Variants in PRDM6 observed in about 807,000 individuals in gnomAD.
PRDM6 encodes the protein PR/SET domain 6.
PRDM6 carries 25 observed loss-of-function variants against 60.8 expected under a neutral mutation model. The ratio of observed to expected loss-of-function variants is 0.41; its 90% CI spans 0.30 to 0.57. The LOEUF is 0.57. PRDM6 is among the 20% of genes least tolerant of loss of function. The probability of loss-of-function intolerance (pLI) is 0.27; values close to 1 mark genes in which losing one functional copy is unlikely to be tolerated. For synonymous variants in PRDM6, 407 were observed against 357.4 expected (o/e 1.14, Z -1.57); for missense variants, 839 against 821.3 (o/e 1.02, Z -0.26).
intron 5 of PRDM6, among the ~76,000 whole-genome samples, chr5:123,169,685 A>G (rs1004703301): frequency 2.6e-5 from 4 of 152,186 alleles, no homozygotes; most frequent in African/African-American, 9.7e-5. Context: ...CAAATCACGG[A>G]TTTAGATGTT....
In PRDM6 at chr5:123,151,239, G is replaced by A. The variant is rs553553334; in HGVS notation, c.901-4645G>A. On this transcript the variant is annotated intron_variant, in intron 3 of 7. Coordinates refer to ENST00000407847, the MANE Select transcript of PRDM6 (RefSeq NM_001136239.4). ...GGGATATGCCAGGGTTGGGAGCATGGGAGAGGGCGTCTGAAATGTCTCCTC... is the reference window on the plus strand; with the variant it reads ...GGGATATGCCAGGGTTGGGAGCATGAGAGAGGGCGTCTGAAATGTCTCCTC... 4.7e-3 allele frequency among the ~76,000 whole-genome samples: 716 copies of A among 152,252 alleles called. 2 individuals are homozygous for A. Among genetic ancestry groups the A allele is most frequent in the Non-Finnish European group, 6.1e-3 (414 of 68,012 alleles).
intron 3 of PRDM6, among the ~76,000 whole-genome samples, chr5:123,113,184 A>G (rs1764356467): frequency 6.6e-6 from 1 of 152,138 alleles, no homozygotes; most frequent in South Asian, 2.1e-4. Context: ...ATGCATTACT[A>G]TGAAGTAAAG....
intron 2 of PRDM6, among the ~76,000 whole-genome samples, chr5:123,097,939 G>A (rs1763994574): frequency 6.6e-6 from 1 of 152,210 alleles, no homozygotes; most frequent in Non-Finnish European, 1.5e-5. Context: ...GAGGAGTAGA[G>A]GAGTAGCTGC....
At chr5:123,179,788 C>A (rs900769809) in intron 6 of PRDM6, among the ~76,000 whole-genome samples, 1 of 152,132 alleles carries the variant, frequency 6.6e-6, no homozygotes, top group Admixed American at 6.5e-5. Flanking sequence ...GCACAAGAGA[C>A]AATTATATAT....
chr5:123,136,260 A>G (rs968495780), intron 3 of PRDM6, among the ~76,000 whole-genome samples: 30 of 152,202 alleles, frequency 2.0e-4, no homozygotes, highest in African/African-American at 6.5e-4. Context: ...TCATATGACT[A>G]CAATTTGAAT....
chr5:123,139,476 T>G (rs1405391154), intron 3 of PRDM6, among the ~76,000 whole-genome samples: 1 of 152,168 alleles, frequency 6.6e-6, no homozygotes, highest in Non-Finnish European at 1.5e-5. Flanking sequence ...TGGATGATAT[T>G]CAGTGAAAAT....
intron 3 of PRDM6, among the ~76,000 whole-genome samples, chr5:123,127,688 T>TTTTCTTTCTCTTTC (rs747675936): frequency 1.3e-5 from 2 of 151,366 alleles, no homozygotes; most frequent in South Asian, 2.1e-4. Flanking sequence ...TCTTTCTTTC[T>TTTTCTTTCTCTTTC]TTTCTTTCTC....
At chr5:123,147,279 AAGAGAG>A (rs3036135) in intron 3 of PRDM6, among the ~76,000 whole-genome samples, 119 of 147,476 alleles carry the variant, frequency 8.1e-4, no homozygotes, top group Non-Finnish European at 1.2e-3. Context: ...TGATACTAAA[AAGAGAG>A]AGAGAGAGAG....
chr5:123,180,446 C>T lies in PRDM6; in HGVS notation c.1673+123C>T, dbSNP rs572446635. ...ACAGGCTACTTGGAAGGCCAGTGTC[C>T]AGGCTGCAAACGAATCTCTCCTTGT... On this transcript the variant is annotated intron_variant, in intron 7 of 7. Transcript: ENST00000407847. The T allele has an allele frequency of 7.0e-5, 72 of 1,022,396 alleles. No homozygotes were observed. The East Asian group carries it at 1.9e-3, about 27-fold the overall frequency. The allele number at this position is 1,022,396 out of a possible 1,614,324, so 63.3% of individuals were successfully genotyped here. A position where few individuals can be genotyped will look rare whatever the true frequency, so the allele number is the denominator to read the frequency against.
chr5:123,161,296 T>C (rs906007450), intron 5 of PRDM6, among the ~76,000 whole-genome samples: 4 of 152,190 alleles, frequency 2.6e-5, no homozygotes, highest in African/African-American at 9.6e-5. Context: ...CTGGGTGATA[T>C]AAATACAGCA....
At position 123,114,574 on chromosome 5, in the gene PRDM6, AAATT is replaced by A. The variant is rs748286580; in HGVS notation, c.900+14618_900+14621del. Among the ~76,000 whole-genome samples the A allele has an allele frequency of 3.3e-5, 5 of 152,336 alleles. No individual in the cohort carries two copies. In the South Asian group the frequency reaches 1.0e-3, roughly 32 times the overall value. Reference sequence around the variant, plus strand: ...TTATTTGGGAAATAGTTCTGCTAAAAAATTAATTTTTTTAAATGTAGAATTCAAC... The same window carrying A: ...TTATTTGGGAAATAGTTCTGCTAAAAAATTTTTTTAAATGTAGAATTCAAC... On this transcript the variant is annotated intron_variant, in intron 3 of 7. Transcript: ENST00000407847.
chr5:123,142,737 T>C lies in PRDM6; in HGVS notation c.901-13147T>C, dbSNP rs1193849219. Among the ~76,000 whole-genome samples the C allele has an allele frequency of 4.0e-5, 6 of 151,876 alleles. No individual in the cohort carries two copies. In the South Asian group the frequency reaches 8.3e-4, roughly 21 times the overall value. ...ATGATTTCTAACCTAAAAATATCTGTCTTATGAAATAAACCAACCAAAGGA... is the reference window on the plus strand; with the variant it reads ...ATGATTTCTAACCTAAAAATATCTGCCTTATGAAATAAACCAACCAAAGGA... On this transcript the variant is annotated intron_variant, in intron 3 of 7. Coordinates refer to ENST00000407847, the MANE Select transcript of PRDM6 (RefSeq NM_001136239.4).
At chr5:123,116,816 A>G (rs1370368538) in intron 3 of PRDM6, among the ~76,000 whole-genome samples, 1 of 152,240 alleles carries the variant, frequency 6.6e-6, no homozygotes, top group Non-Finnish European at 1.5e-5. Context: ...GGGGAGAAAT[A>G]GTAAGGAAAT....
At chr5:123,181,790 G>A (rs910505468) in intron 7 of PRDM6, among the ~76,000 whole-genome samples, 1 of 152,166 alleles carries the variant, frequency 6.6e-6, no homozygotes, top group African/African-American at 2.4e-5. Context: ...GGCGCACTTT[G>A]TGCTCAGCCT....
At chr5:123,143,698 C>A (rs1415266603) in intron 3 of PRDM6, among the ~76,000 whole-genome samples, 1 of 152,096 alleles carries the variant, frequency 6.6e-6, no homozygotes, top group Admixed American at 6.5e-5. Context: ...TATTAGCCAG[C>A]CCAAACCAGG....
intron 5 of PRDM6, among the ~76,000 whole-genome samples, chr5:123,165,447 C>T (rs1765731576): frequency 6.6e-6 from 1 of 152,184 alleles, no homozygotes; most frequent in South Asian, 2.1e-4. Flanking sequence ...CTAGTGTCAC[C>T]ATCCACTCTG....
chr5:123,137,660 G>A (rs1764993764), intron 3 of PRDM6, among the ~76,000 whole-genome samples: 1 of 152,164 alleles, frequency 6.6e-6, no homozygotes, highest in Non-Finnish European at 1.5e-5. Flanking sequence ...GCTAAGGGAA[G>A]GATAGCATTA....
At position 123,120,587 on chromosome 5, in the gene PRDM6, C is replaced by T. The variant is rs550871352; in HGVS notation, c.900+20626C>T. ...TTTTAAATTCTCACAGCTCACCATCCGGAGGCAAACTCTAAAATTTTAAAT... is the reference window on the plus strand; with the variant it reads ...TTTTAAATTCTCACAGCTCACCATCTGGAGGCAAACTCTAAAATTTTAAAT... On this transcript the variant is annotated intron_variant, in intron 3 of 7. Transcript: ENST00000407847. Among the ~76,000 whole-genome samples the T allele has an allele frequency of 3.3e-5, 5 of 152,212 alleles. No individual in the cohort carries two copies. In the East Asian group the frequency reaches 5.8e-4, roughly 18 times the overall value.
rs532101539 is a variant in PRDM6, at chr5:123,114,081, A to G, written c.900+14120A>G. 4.6e-5 allele frequency among the ~76,000 whole-genome samples: 7 copies of G among 152,316 alleles called. No homozygotes were observed. The South Asian group carries it at 1.2e-3, about 27-fold the overall frequency. On this transcript the variant is annotated intron_variant, in intron 3 of 7. Coordinates refer to ENST00000407847, the MANE Select transcript of PRDM6 (RefSeq NM_001136239.4). ...TGCTTTTGAGGTGCACAGAGGAGGCAGAGGTGACTTCCCGCCAGAAAGATT... is the reference window on the plus strand; with the variant it reads ...TGCTTTTGAGGTGCACAGAGGAGGCGGAGGTGACTTCCCGCCAGAAAGATT...
Sources: gnomAD v4.1 joint callset for allele counts (sites outside exome capture counted in the v4.1 genomes callset) on GRCh38, gnomAD v4.1.1 for gene constraint, MANE v1.5 for transcripts, NCBI Gene and HGNC (gene_info 2026-07-23, HGNC 2026-07-21) for gene names.